EFCAB8: variants seen among roughly 807,000 people sequenced by gnomAD.
EFCAB8 encodes EF-hand calcium binding domain 8, also known as EF-hand calcium-binding domain-containing protein 8.
In EFCAB8, 100 loss-of-function variants were observed where a neutral mutation model predicts 116.3. The observed-to-expected ratio is 0.86, with a 90% CI of 0.73 to 1.02. The LOEUF (loss-of-function observed/expected upper bound fraction) is 1.02, where lower values mean the gene tolerates loss of function less well. Among genes scored for constraint, EFCAB8 ranks in the 50% least tolerant of loss-of-function variants. The pLI, the probability that EFCAB8 is intolerant of heterozygous loss-of-function variation, is 0.00. For synonymous variants in EFCAB8, 558 were observed against 567.9 expected (o/e 0.98, Z 0.25); for missense variants, 1,320 against 1,416.9 (o/e 0.93, Z 1.10).
chr20:32,957,162 C>T (rs1182759416), intron 23 of EFCAB8, among the ~76,000 whole-genome samples: 1 of 151,472 alleles, frequency 6.6e-6, no homozygotes, highest in Non-Finnish European at 1.5e-5. Context: ...TTCAATTTTC[C>T]TTAATTTTAT....
intron 22 of EFCAB8, among the ~76,000 whole-genome samples, chr20:32,936,214 G>C (rs1421249581): frequency 9.2e-5 from 14 of 151,362 alleles, no homozygotes; most frequent in Admixed American, 8.5e-4. Flanking sequence ...TGTATTTTTT[G>C]GTAGAGACAG....
At chr20:32,939,201 TTCCTCTCTCTCTCTCTCTC>T (rs1988297983) in intron 22 of EFCAB8, among the ~76,000 whole-genome samples, 1 of 76,468 alleles carries the variant, frequency 1.3e-5, no homozygotes, top group African/African-American at 5.3e-5. Flanking sequence ...CTTTCTTTCT[TTCCTCTCTCTCTCTCTCTC>T]TCTCTCTTTC....
chr20:32,915,673 T>A (rs1371617412), intron 17 of EFCAB8, among the ~76,000 whole-genome samples: 1 of 92,534 alleles, frequency 1.1e-5, no homozygotes, highest in Non-Finnish European at 2.9e-5. Flanking sequence ...TATTACCTAC[T>A]TTTTTTTTTT....
Position 32,911,560 on chromosome 20 carries a change from TG to T in EFCAB8, c.1643del (p.Gly548AlafsTer6). The T allele has an allele frequency of 3.2e-6, 5 of 1,543,560 alleles. No homozygotes were observed. The highest frequency in any genetic ancestry group is 3.5e-6 in the Non-Finnish European group (4 of 1,141,694). The part of the protein sequence containing the change: ...GRKTMEFAVS[G>X]GQHVEMTAMA... ...GGAAGACGATGGAGTTTGCTGTGTCTGGGGGCCAGCACGTGGAGATGACCGC... is the reference window on the plus strand; with the variant it reads ...GGAAGACGATGGAGTTTGCTGTGTCTGGGGCCAGCACGTGGAGATGACCGC... On this transcript the variant is annotated frameshift_variant, in exon 16 of 27. Coordinates refer to ENST00000400522, the MANE Select transcript of EFCAB8 (RefSeq NM_001143967.2). LOFTEE classifies it high-confidence loss of function.
At chr20:32,900,043 A>G (rs1005793435) in intron 11 of EFCAB8, among the ~76,000 whole-genome samples, 1 of 152,092 alleles carries the variant, frequency 6.6e-6, no homozygotes, top group Non-Finnish European at 1.5e-5. Context: ...TTGCTTCTGC[A>G]CAGGCTGAAG....
At chr20:32,880,207 C>G (rs907091208) in intron 5 of EFCAB8, among the ~76,000 whole-genome samples, 1 of 152,054 alleles carries the variant, frequency 6.6e-6, no homozygotes, top group African/African-American at 2.4e-5. Flanking sequence ...GAAGGCAGCC[C>G]CGGTCCTCAG....
chr20:32,924,551 A>T (rs556928031), intron 20 of EFCAB8, among the ~76,000 whole-genome samples: 1 of 152,308 alleles, frequency 6.6e-6, no homozygotes, highest in Admixed American at 6.5e-5. Context: ...AACAGGCCCA[A>T]TGAGGTGAAG....
At chr20:32,892,078 G>A (rs947172760) in intron 7 of EFCAB8, 135 bp from the exon 8 acceptor site, 2 of 748,612 alleles carry the variant, frequency 2.7e-6, no homozygotes, top group South Asian at 1.7e-5. Context: ...GTGAACAGCT[G>A]TCTGTGGTTG....
intron 1 of EFCAB8, 131 bp from the exon 2 acceptor site, chr20:32,863,652 A>G: frequency 1.3e-6 from 1 of 753,742 alleles, no homozygotes; most frequent in Non-Finnish European, 2.1e-6. Context: ...GGGAGTGTCC[A>G]TGGGCAAGGG....
chr20:32,932,116 T>A (rs189295914), intron 22 of EFCAB8, among the ~76,000 whole-genome samples: 1 of 152,200 alleles, frequency 6.6e-6, no homozygotes, highest in African/African-American at 2.4e-5. Flanking sequence ...CGGTGGCTCA[T>A]GCCTGTAATC....
chr20:32,912,790 A>G lies in EFCAB8; in HGVS notation c.1786-4A>G, dbSNP rs1276836297. The G allele has an allele frequency of 4.2e-6, 3 of 718,740 alleles. No homozygotes were observed. Among genetic ancestry groups the G allele is most frequent in the African/African-American group, 1.7e-5 (1 of 57,262 alleles). 44.5% of individuals were successfully genotyped at this position (718,740 alleles called of 1,614,324 possible). A position where few individuals can be genotyped will look rare whatever the true frequency, so the allele number is the denominator to read the frequency against. The stretch of plus-strand genomic sequence containing the variant: ...CTAGTTCTGTTTTCTTTCATCTTCA[A>G]CAGATTAGTGGGATTATCCATATGA... On this transcript the variant is annotated splice_polypyrimidine_tract_variant and splice_region_variant and intron_variant, in intron 16 of 26. Transcript: ENST00000400522.
At chr20:32,898,688 C>T in intron 11 of EFCAB8, 65 bp downstream of exon 11, 1 of 696,960 alleles carries the variant, frequency 1.4e-6, no homozygotes, top group South Asian at 1.5e-5. Flanking sequence ...GTGAGTGGAC[C>T]ATGGGGGCTG....
intron 2 of EFCAB8, among the ~76,000 whole-genome samples, chr20:32,866,921 C>CT (rs1326402900): frequency 7.0e-6 from 1 of 142,882 alleles, no homozygotes; most frequent in Non-Finnish European, 1.5e-5. Context: ...TCTTTCGTTT[C>CT]TTTCGTTTCT....
At chr20:32,930,707 CTCTG>C in intron 21 of EFCAB8, 91 bp downstream of exon 21, 1 of 1,234,962 alleles carries the variant, frequency 8.1e-7, no homozygotes, top group Non-Finnish European at 1.1e-6. Context: ...CTAGTTCCTA[CTCTG>C]TCTGGGTACT....
chr20:32,877,207 C>CTTTT (rs757130907), intron 4 of EFCAB8, among the ~76,000 whole-genome samples: 2,928 of 114,868 alleles, frequency 0.025, 124 homozygotes, highest in Middle Eastern at 0.049. Flanking sequence ...TTATTTCTTT[C>CTTTT]TTTTTTTTTT....
chr20:32,880,760 C>T (rs1478424728), intron 5 of EFCAB8, among the ~76,000 whole-genome samples: 4 of 151,950 alleles, frequency 2.6e-5, no homozygotes, highest in East Asian at 1.9e-4. Context: ...CAGGAACCTC[C>T]GTGTGTTCAG....
Position 32,878,809 on chromosome 20 carries a change from T to TA in EFCAB8, c.431+4dup. ...CCTTCCCATGACGGTCGTCCCCCTG[T>TA]AAGGAGCCTCTTCCTGGGCCTTGGT... is the stretch of plus-strand genomic sequence containing the variant. On this transcript the variant is annotated splice_region_variant and intron_variant, in intron 5 of 26. Transcript: ENST00000400522. 1 of 1,551,940 alleles carries TA rather than the reference T, an allele frequency of 6.4e-7. No homozygotes were observed. The highest frequency in any genetic ancestry group is 8.7e-7 in the Non-Finnish European group (1 of 1,146,888).
At chr20:32,908,167 C>T (rs536483106) in intron 13 of EFCAB8, 108 bp from the exon 14 acceptor site, 39 of 1,080,408 alleles carry the variant, frequency 3.6e-5, no homozygotes, top group African/African-American at 2.6e-4. Context: ...AGTGCTTGGA[C>T]GGACGATGTG....
Position 32,920,148 on chromosome 20 carries a change from A to G in EFCAB8, c.2345A>G (p.Glu782Gly), listed in dbSNP as rs1273258959. ...CACAGCAAACAGTCCATTTACAAAG[A>G]GGATGAAACGAGAAAAGGAGAATGG... Reference protein sequence around the residue: ...KIHSKQSIYKEDETRKGEWQK... With the variant: ...KIHSKQSIYKGDETRKGEWQK... Residue 782 changes from glutamate (E) to glycine (G), a missense_variant, in exon 20 of 27, where the codon GAG becomes GGG. Coordinates refer to ENST00000400522, the MANE Select transcript of EFCAB8 (RefSeq NM_001143967.2). 1 of 1,551,758 alleles carries G rather than the reference A, an allele frequency of 6.4e-7. No individual in the cohort carries two copies. Among genetic ancestry groups the G allele is most frequent in the Non-Finnish European group, 8.7e-7 (1 of 1,147,010 alleles).
Sources: allele counts gnomAD v4.1 joint callset (sites outside exome capture counted in the v4.1 genomes callset), GRCh38; gene constraint gnomAD v4.1.1; transcripts MANE v1.5; gene names NCBI Gene and HGNC (gene_info 2026-07-23, HGNC 2026-07-21).